Variants in MYO5A observed in about 807,000 individuals in gnomAD.
The protein encoded by MYO5A is myosin VA.
Under a neutral mutation model 249.7 loss-of-function variants are expected in MYO5A, and 98 were observed. The observed-to-expected ratio is 0.39, with a 90% CI of 0.33 to 0.46. The LOEUF is 0.46. MYO5A is among the 20% of genes least tolerant of loss of function. The pLI is 0.98. For synonymous variants in MYO5A, 778 were observed against 810.6 expected (o/e 0.96, Z 0.68); for missense variants, 1,696 against 2,308.8 (o/e 0.73, Z 5.44).
intron 32 of MYO5A, among the ~76,000 whole-genome samples, chr15:52,338,649 C>A (rs1046781361): frequency 3.3e-5 from 5 of 152,176 alleles, no homozygotes; most frequent in African/African-American, 1.2e-4. Context: ...AGCTGACCTA[C>A]AAAAGGTTTT....
At chr15:52,438,734 G>T (rs534374681) in intron 1 of MYO5A, among the ~76,000 whole-genome samples, 59 of 152,388 alleles carry the variant, frequency 3.9e-4, no homozygotes, top group African/African-American at 1.3e-3. Flanking sequence ...ATTCCAGCCG[G>T]CAACGGCTAC....
chr15:52,321,952 G>A (rs8040558), intron 37 of MYO5A, among the ~76,000 whole-genome samples: 17,975 of 152,072 alleles, frequency 0.12, 2,305 homozygotes, highest in African/African-American at 0.32. Flanking sequence ...GAAATAGACC[G>A]ATTTCTACAG....
At chr15:52,465,250 A>C (rs2076330002) in intron 1 of MYO5A, among the ~76,000 whole-genome samples, 2 of 152,196 alleles carry the variant, frequency 1.3e-5, no homozygotes, top group South Asian at 4.1e-4. Context: ...TGGAAGTGTT[A>C]AACTTTGGGC....
At chr15:52,497,960 A>C (rs1471496258) in intron 1 of MYO5A, among the ~76,000 whole-genome samples, 2 of 152,124 alleles carry the variant, frequency 1.3e-5, no homozygotes, top group Admixed American at 1.3e-4. Context: ...TGTTGCTTCG[A>C]GGGAAATTTA....
chr15:52,505,165 G>A (rs891759705), intron 1 of MYO5A: 4 of 741,000 alleles, frequency 5.4e-6, no homozygotes, highest in Admixed American at 1.9e-5. Flanking sequence ...CGTACATGGA[G>A]AACTCTCAGA....
At chr15:52,447,486 C>G (rs577323572) in intron 1 of MYO5A, among the ~76,000 whole-genome samples, 5 of 152,232 alleles carry the variant, frequency 3.3e-5, no homozygotes, top group African/African-American at 1.2e-4. Context: ...CAAACTAATA[C>G]AGAAAACTGG....
At chr15:52,459,146 A>ATTTTTTTTTTT (rs199923318) in intron 1 of MYO5A, among the ~76,000 whole-genome samples, 35 of 49,090 alleles carry the variant, frequency 7.1e-4, no homozygotes, top group Non-Finnish European at 1.1e-3. Flanking sequence ...ATTTTCCAGA[A>ATTTTTTTTTTT]ATTTTTTTTT....
chr15:52,449,653 A>C (rs902917526), intron 1 of MYO5A, among the ~76,000 whole-genome samples: 1 of 152,118 alleles, frequency 6.6e-6, no homozygotes, highest in African/African-American at 2.4e-5. Context: ...TGTAACTATT[A>C]GAATTGCCCA....
chr15:52,498,849 A>G (rs1386291981), intron 1 of MYO5A, among the ~76,000 whole-genome samples: 1 of 152,186 alleles, frequency 6.6e-6, no homozygotes, highest in Non-Finnish European at 1.5e-5. Flanking sequence ...CCAACCCCAT[A>G]CCAAGATTAT....
At chr15:52,351,514 G>A in intron 27 of MYO5A, 33 bp from the exon 28 acceptor site, 1 of 1,587,258 alleles carries the variant, frequency 6.3e-7, no homozygotes, top group Admixed American at 1.7e-5. Flanking sequence ...GTTCATTGCT[G>A]TCATCCTCAA....
At chr15:52,471,855 T>A (rs2076479353) in intron 1 of MYO5A, among the ~76,000 whole-genome samples, 1 of 152,024 alleles carries the variant, frequency 6.6e-6, no homozygotes, top group South Asian at 2.1e-4. Context: ...CACACCACCA[T>A]GCGTGGCGAA....
chr15:52,319,487 G>C, intron 38 of MYO5A, 145 bp from the exon 39 acceptor site: 1 of 895,750 alleles, frequency 1.1e-6, no homozygotes, highest in Non-Finnish European at 1.8e-6. Context: ...CAGCACTTTG[G>C]GAGGCCGCCG....
intron 1 of MYO5A, among the ~76,000 whole-genome samples, chr15:52,518,119 C>G (rs2077532396): frequency 6.6e-6 from 1 of 151,938 alleles, no homozygotes; most frequent in Non-Finnish European, 1.5e-5. Flanking sequence ...CTCCCCCATC[C>G]CCACCATCCC....
At chr15:52,339,340 C>G (rs1025140078) in intron 32 of MYO5A, among the ~76,000 whole-genome samples, 1 of 152,062 alleles carries the variant, frequency 6.6e-6, no homozygotes, top group African/African-American at 2.4e-5. Context: ...CAAATCACCA[C>G]CAATCCTAAA....
chr15:52,517,311 C>T (rs530476658), intron 1 of MYO5A, among the ~76,000 whole-genome samples: 6 of 152,328 alleles, frequency 3.9e-5, no homozygotes, highest in East Asian at 1.9e-4. Flanking sequence ...CATAACATAT[C>T]ACTTCCATTA....
rs79527256 is a variant in MYO5A at position 52,505,917 on chromosome 15, A to AT, written c.27+22862dup. 2.8e-5 allele frequency: 42 copies of AT among 1,488,054 alleles called. 1 individual carries two copies. Among genetic ancestry groups the AT allele is most frequent in the Admixed American group, 4.4e-5 (2 of 45,100 alleles). The allele number at this position is 1,488,054 out of a possible 1,614,324, so 92.2% of individuals were successfully genotyped here. A position where few individuals can be genotyped will look rare whatever the true frequency, so the allele number is the denominator to read the frequency against. On this transcript the variant is annotated intron_variant, in intron 1 of 41. Coordinates refer to ENST00000399233, the MANE Select transcript of MYO5A (RefSeq NM_001382347.1). ...AAAAGCTTGAAAGATTAAAAAAAAA[A>AT]TTTTTCAGACTCTTGGCTGGGCGCA...
intron 1 of MYO5A, among the ~76,000 whole-genome samples, chr15:52,482,714 T>C (rs539137630): frequency 6.2e-4 from 95 of 152,128 alleles, no homozygotes; most frequent in African/African-American, 2.3e-3. Context: ...GAACCTAAAA[T>C]GGCTTTAAAA....
chr15:52,439,526 C>T (rs1595686787), intron 1 of MYO5A, among the ~76,000 whole-genome samples: 1 of 152,100 alleles, frequency 6.6e-6, no homozygotes, highest in Admixed American at 6.5e-5. Context: ...AGTTCCTGGC[C>T]CATAGTTTGT....
chr15:52,506,117 C>T (rs1326691275), intron 1 of MYO5A, among the ~76,000 whole-genome samples: 3 of 151,876 alleles, frequency 2.0e-5, no homozygotes, highest in East Asian at 1.9e-4. Flanking sequence ...TTTAGGAGGC[C>T]GAGGCAGGCA....
Sources: allele counts gnomAD v4.1 joint callset (sites outside exome capture counted in the v4.1 genomes callset), GRCh38; gene constraint gnomAD v4.1.1; transcripts MANE v1.5; gene names NCBI Gene and HGNC (gene_info 2026-07-23, HGNC 2026-07-21).